Variants in SSBP2 observed in about 807,000 individuals in gnomAD.
SSBP2 encodes single stranded DNA binding protein 2, also known as single-stranded DNA-binding protein 2.
Under a neutral mutation model 61.8 loss-of-function variants are expected in SSBP2, and 17 were observed. That is an observed-to-expected ratio of 0.28 (90% CI 0.19 to 0.41). The LOEUF is 0.41. Ranked by LOEUF, SSBP2 falls within the 10% of genes least tolerant of loss-of-function variation. The pLI is 1.00. For synonymous variants in SSBP2, 139 were observed against 141.3 expected (o/e 0.98, Z 0.12); for missense variants, 310 against 458.7 (o/e 0.68, Z 2.96).
chr5:81,511,429 T>A (rs1168244351), intron 5 of SSBP2, among the ~76,000 whole-genome samples: 1 of 152,192 alleles, frequency 6.6e-6, no homozygotes, highest in Non-Finnish European at 1.5e-5. Flanking sequence ...TGGCTCCTAC[T>A]GAATACTCAG....
Position 81,461,041 on chromosome 5 carries a change from A to G in SSBP2, c.687+14T>C, listed in dbSNP as rs1274134897. On this transcript the variant is annotated intron_variant, in intron 10 of 16. Coordinates refer to ENST00000320672, the MANE Select transcript of SSBP2 (RefSeq NM_012446.5). ...AAATGCAAAATATTAAAAAAAATAT[A>G]TATATATACTCACTGAATTGGCATT... is the stretch of plus-strand genomic sequence containing the variant. 7.6e-6 allele frequency: 11 copies of G among 1,440,146 alleles called. No individual in the cohort carries two copies. Among genetic ancestry groups the G allele is most frequent in the Non-Finnish European group, 1.0e-5 (11 of 1,080,816 alleles). The allele number at this position is 1,440,146 out of a possible 1,614,324, so 89.2% of individuals were successfully genotyped here.
At chr5:81,694,862 G>C (rs1433721554) in intron 1 of SSBP2, among the ~76,000 whole-genome samples, 1 of 152,122 alleles carries the variant, frequency 6.6e-6, no homozygotes, top group Non-Finnish European at 1.5e-5. Flanking sequence ...TGTACGACTA[G>C]AAGTACAAGG....
At chr5:81,503,849 C>G (rs1767981720) in intron 5 of SSBP2, among the ~76,000 whole-genome samples, 2 of 152,090 alleles carry the variant, frequency 1.3e-5, no homozygotes, top group South Asian at 4.1e-4. Context: ...ATGGATGGAG[C>G]TGGAGGCCAT....
chr5:81,465,111 A>G (rs911579955), intron 9 of SSBP2, among the ~76,000 whole-genome samples: 2 of 152,022 alleles, frequency 1.3e-5, no homozygotes, highest in African/African-American at 4.8e-5. Flanking sequence ...TTGTCCTTGA[A>G]GGAATCCTGA....
At chr5:81,513,450 CAAAT>C (rs942101512) in intron 5 of SSBP2, among the ~76,000 whole-genome samples, 174 bp downstream of exon 5, 4 of 152,070 alleles carry the variant, frequency 2.6e-5, no homozygotes, top group African/African-American at 9.7e-5. Context: ...AATCTAATAA[CAAAT>C]AAAACATAAG....
chr5:81,512,305 G>A (rs1044768703), intron 5 of SSBP2, among the ~76,000 whole-genome samples: 1 of 152,148 alleles, frequency 6.6e-6, no homozygotes, highest in Admixed American at 6.5e-5. Flanking sequence ...AGCTACCAAT[G>A]CCTTGGTTTC....
intron 4 of SSBP2, among the ~76,000 whole-genome samples, chr5:81,560,986 C>T (rs1310323146): frequency 6.6e-6 from 1 of 152,082 alleles, no homozygotes; most frequent in Non-Finnish European, 1.5e-5. Flanking sequence ...GAAAAAAGTG[C>T]TCATGTCCTA....
chr5:81,432,984 G>GC (rs993010220), intron 15 of SSBP2, among the ~76,000 whole-genome samples: 1 of 149,760 alleles, frequency 6.7e-6, no homozygotes, highest in Non-Finnish European at 1.5e-5. Context: ...GAGGGAGGTG[G>GC]GGGGGGTCAG....
At chr5:81,640,975 T>C (rs1162596353) in intron 2 of SSBP2, among the ~76,000 whole-genome samples, 8 of 152,246 alleles carry the variant, frequency 5.3e-5, no homozygotes, top group Non-Finnish European at 1.0e-4. Flanking sequence ...ACTGTCCTTA[T>C]GTTTCATCTC....
intron 3 of SSBP2, among the ~76,000 whole-genome samples, chr5:81,623,475 A>G (rs1474197549): frequency 6.6e-6 from 1 of 151,780 alleles, no homozygotes; most frequent in Non-Finnish European, 1.5e-5. Flanking sequence ...AGCTGGGACT[A>G]CAGGCGCCCG....
At chr5:81,428,875 T>A (rs1385504483) in intron 15 of SSBP2, among the ~76,000 whole-genome samples, 192 bp from the exon 16 acceptor site, 2 of 151,998 alleles carry the variant, frequency 1.3e-5, no homozygotes, top group East Asian at 3.9e-4. Context: ...AAATGAAAAT[T>A]TAAAAAAAAA....
intron 4 of SSBP2, among the ~76,000 whole-genome samples, chr5:81,556,647 C>T (rs1162270207): frequency 6.6e-6 from 1 of 152,108 alleles, no homozygotes; most frequent in Non-Finnish European, 1.5e-5. Context: ...ACTGCCTTTT[C>T]ATGAAATCCT....
At chr5:81,503,175 C>T (rs1580857003) in intron 5 of SSBP2, among the ~76,000 whole-genome samples, 1 of 152,254 alleles carries the variant, frequency 6.6e-6, no homozygotes. Context: ...ACAGATGCAG[C>T]TGGGCGTGGT....
rs1773975445 is a variant in SSBP2, at chr5:81,573,424, T to C, written c.282+42049A>G. Among the ~76,000 whole-genome samples the C allele has an allele frequency of 2.0e-5, 3 of 152,236 alleles. No homozygotes were observed. The South Asian group carries it at 6.2e-4, about 32-fold the overall frequency. On this transcript the variant is annotated intron_variant, in intron 4 of 16. Transcript: ENST00000320672. ...GAAGCAGAGGTTTTTAATAAGCTTATAATTCAGAGCAAAAATTAGCATTCA... is the reference window on the plus strand; with the variant it reads ...GAAGCAGAGGTTTTTAATAAGCTTACAATTCAGAGCAAAAATTAGCATTCA...
intron 4 of SSBP2, among the ~76,000 whole-genome samples, chr5:81,574,918 C>T (rs1774092078): frequency 6.6e-6 from 1 of 152,174 alleles, no homozygotes. Flanking sequence ...AGCAGATCCA[C>T]ATAAATTATC....
intron 4 of SSBP2, among the ~76,000 whole-genome samples, chr5:81,549,993 T>C (rs1772048326): frequency 6.6e-6 from 1 of 152,176 alleles, no homozygotes. Context: ...GGATGCTCTG[T>C]CCTCTCTCCT....
chr5:81,528,490 A>G (rs1343958062), intron 4 of SSBP2, among the ~76,000 whole-genome samples: 1 of 152,082 alleles, frequency 6.6e-6, no homozygotes, highest in Non-Finnish European at 1.5e-5. Flanking sequence ...GTGCTATTAA[A>G]TATGAAATGT....
At chr5:81,650,089 G>C (rs1415191205) in intron 2 of SSBP2, among the ~76,000 whole-genome samples, 178 bp downstream of exon 2, 1 of 152,078 alleles carries the variant, frequency 6.6e-6, no homozygotes, top group Non-Finnish European at 1.5e-5. Flanking sequence ...GAGTGGCACA[G>C]AAGTGGCATG....
intron 1 of SSBP2, among the ~76,000 whole-genome samples, chr5:81,674,867 G>C (rs993837078): frequency 2.6e-5 from 4 of 152,144 alleles, no homozygotes; most frequent in African/African-American, 9.7e-5. Flanking sequence ...GTAATTTATA[G>C]ACTGTAAGTA....
Sources: gnomAD v4.1 joint callset for allele counts (sites outside exome capture counted in the v4.1 genomes callset) on GRCh38, gnomAD v4.1.1 for gene constraint, MANE v1.5 for transcripts, NCBI Gene and HGNC (gene_info 2026-07-23, HGNC 2026-07-21) for gene names.